Variants in ARID2 observed in about 807,000 individuals in gnomAD.
The protein encoded by ARID2 is AT-rich interaction domain 2.
ARID2 carries 32 observed loss-of-function variants against 184.6 expected under a neutral mutation model. The ratio of observed to expected loss-of-function variants is 0.17; its 90% CI spans 0.13 to 0.23. ARID2 has a LOEUF of 0.23. Among genes scored for constraint, ARID2 ranks in the 10% least tolerant of loss-of-function variants. ARID2 has a pLI of 1.00. For synonymous variants in ARID2, 836 were observed against 772.6 expected, an observed-to-expected ratio of 1.08 and a Z score of -1.36; for missense variants, 1,696 against 2,197.6, an observed-to-expected ratio of 0.77 and a Z score of 4.56.
At chr12:45,820,999 C>A (rs557991530) in intron 5 of ARID2, among the ~76,000 whole-genome samples, 1 of 152,180 alleles carries the variant, frequency 6.6e-6, no homozygotes, top group Admixed American at 6.5e-5. Flanking sequence ...GTGCCTTGCT[C>A]TCTATGTTTT....
At chr12:45,901,266 G>A (rs553752243) in intron 20 of ARID2, among the ~76,000 whole-genome samples, 3 of 137,506 alleles carry the variant, frequency 2.2e-5, no homozygotes, top group South Asian at 4.7e-4. Flanking sequence ...CACCTCCCAG[G>A]TTCACGCCAT....
intron 3 of ARID2, among the ~76,000 whole-genome samples, chr12:45,738,974 T>C (rs1322700870): frequency 6.6e-6 from 1 of 150,592 alleles, no homozygotes; most frequent in Non-Finnish European, 1.5e-5. Flanking sequence ...AGTGTTGTCT[T>C]TTTTTTTCTT....
At chr12:45,772,194 A>G (rs1241736350) in intron 3 of ARID2, among the ~76,000 whole-genome samples, 1 of 152,236 alleles carries the variant, frequency 6.6e-6, no homozygotes, top group Non-Finnish European at 1.5e-5. Context: ...AGGAATGGAG[A>G]AACAAAAACA....
At chr12:45,900,632 A>T (rs1592149452) in intron 20 of ARID2, among the ~76,000 whole-genome samples, 1 of 152,142 alleles carries the variant, frequency 6.6e-6, no homozygotes, top group East Asian at 1.9e-4. Context: ...CTCCATGTTG[A>T]ATCCCTTTTC....
At chr12:45,778,314 C>T (rs538161910) in intron 3 of ARID2, among the ~76,000 whole-genome samples, 1 of 152,256 alleles carries the variant, frequency 6.6e-6, no homozygotes, top group African/African-American at 2.4e-5. Context: ...GAGGTAACCT[C>T]TTATGGTGTT....
chr12:45,886,275 A>G (rs1232824196), intron 16 of ARID2, among the ~76,000 whole-genome samples: 1 of 152,152 alleles, frequency 6.6e-6, no homozygotes, highest in African/African-American at 2.4e-5. Context: ...TTCCAAAATG[A>G]TCTCCTTTGA....
At chr12:45,897,738 T>C (rs1437842488) in intron 20 of ARID2, among the ~76,000 whole-genome samples, 1 of 152,150 alleles carries the variant, frequency 6.6e-6, no homozygotes, top group African/African-American at 2.4e-5. Context: ...ATAGACAAAA[T>C]GTGGCATGTA....
chr12:45,813,429 G>T (rs961541607), intron 4 of ARID2, among the ~76,000 whole-genome samples: 3 of 145,998 alleles, frequency 2.1e-5, no homozygotes, highest in African/African-American at 7.7e-5. Context: ...AATAGAATAA[G>T]CTCCGTGTGT....
At chr12:45,782,556 C>T (rs546655981) in intron 3 of ARID2, among the ~76,000 whole-genome samples, 2 of 152,184 alleles carry the variant, frequency 1.3e-5, no homozygotes, top group South Asian at 2.1e-4. Flanking sequence ...CACTTGAACC[C>T]GGGAGGTGGA....
At chr12:45,831,912 TTTC>T (rs1413595246) in intron 6 of ARID2, among the ~76,000 whole-genome samples, 5 of 152,230 alleles carry the variant, frequency 3.3e-5, no homozygotes, top group African/African-American at 9.6e-5. Context: ...TAGCTACAGC[TTTC>T]TTATTATGTT....
At chr12:45,889,797 G>C (rs552871062) in intron 16 of ARID2, among the ~76,000 whole-genome samples, 45 of 152,302 alleles carry the variant, frequency 3.0e-4, no homozygotes, top group Non-Finnish European at 4.9e-4. Flanking sequence ...AATTAGCTGG[G>C]CGTGGTGGCA....
intron 5 of ARID2, among the ~76,000 whole-genome samples, chr12:45,820,607 C>T (rs1942879719): frequency 6.6e-6 from 1 of 151,990 alleles, no homozygotes; most frequent in Non-Finnish European, 1.5e-5. Flanking sequence ...ACTTTCATTA[C>T]GGAGCTAATG....
At chr12:45,739,292 A>G (rs1941199240) in intron 3 of ARID2, among the ~76,000 whole-genome samples, 1 of 151,952 alleles carries the variant, frequency 6.6e-6, no homozygotes, top group Non-Finnish European at 1.5e-5. Flanking sequence ...GCATTGTCTT[A>G]ATTGTCTTAT....
intron 3 of ARID2, among the ~76,000 whole-genome samples, chr12:45,748,881 A>C (rs1301118950): frequency 6.6e-6 from 1 of 152,128 alleles, no homozygotes; most frequent in African/African-American, 2.4e-5. Context: ...TCACATCTTC[A>C]GGCTCCACTT....
rs548981982 is a variant in ARID2, at chr12:45,907,942, T to C, written c.*2864T>C. 4.3e-6 allele frequency: 1 copy of C among 231,646 alleles called. No individual in the cohort carries two copies. Among genetic ancestry groups the C allele is most frequent in the South Asian group, 1.8e-4 (1 of 5,510 alleles). 14.3% of individuals were successfully genotyped at this position (231,646 alleles called of 1,614,324 possible). A position where few individuals can be genotyped will look rare whatever the true frequency, so the allele number is the denominator to read the frequency against. On this transcript the variant is annotated 3_prime_UTR_variant, in exon 21 of 21. Coordinates refer to ENST00000334344, the MANE Select transcript of ARID2 (RefSeq NM_152641.4). The stretch of plus-strand genomic sequence containing the variant: ...ACTATATATTAATGAGACTCAGTAA[T>C]CCAACCCACACCTGAGAACTCGTCT...
chr12:45,819,500 C>T (rs1204305801), intron 5 of ARID2, among the ~76,000 whole-genome samples: 1 of 151,970 alleles, frequency 6.6e-6, no homozygotes, highest in East Asian at 1.9e-4. Context: ...AGGTTGTAGA[C>T]ATATTTTATT....
At position 45,889,323 on chromosome 12, in the gene ARID2, T is replaced by C. The variant is rs1043365338; in HGVS notation, c.4923-2457T>C. Among the ~76,000 whole-genome samples the C allele has an allele frequency of 2.3e-4, 35 of 152,302 alleles. 1 individual carries two copies. Among genetic ancestry groups the C allele is most frequent in the Admixed American group, 2.2e-3 (33 of 15,294 alleles). On this transcript the variant is annotated intron_variant, in intron 16 of 20. Coordinates refer to ENST00000334344, the MANE Select transcript of ARID2 (RefSeq NM_152641.4). ...GGCTTAAAGAAAGTATACTAAAATG[T>C]TAGCATTTTAGTATACTTGGCTATA...
Position 45,811,440 on chromosome 12 carries a change from G to T in ARID2, c.307G>T (p.Val103Phe). The T allele has an allele frequency of 6.2e-7, 1 of 1,612,548 alleles. No individual in the cohort carries two copies. ...YLRYLEKYEK[V>F]HHFGEDDDEV... ...CAGTTACCTAGAAAAGTACGAGAAAGTTCATCATTTTGGGGAGGATGATGA... is the reference window on the plus strand; with the variant it reads ...CAGTTACCTAGAAAAGTACGAGAAATTTCATCATTTTGGGGAGGATGATGA... Residue 103 changes from valine (V) to phenylalanine (F), a missense_variant, in exon 4 of 21, where the codon GTT becomes TTT. Physicochemically the swap from Val to Phe is conservative, Grantham distance 50 (BLOSUM62 -1). Around this residue, in one of 11 missense-constraint regions of ARID2, gnomAD observed 148 missense variants for 285.4 expected, o/e 0.52. Coordinates refer to ENST00000334344, the MANE Select transcript of ARID2 (RefSeq NM_152641.4).
Position 45,851,629 on chromosome 12 carries a change from G to T in ARID2, c.3506G>T (p.Gly1169Val), listed in dbSNP as rs770836944. 1 of 1,614,152 alleles carries T rather than the reference G, an allele frequency of 6.2e-7. No homozygotes were observed. Among genetic ancestry groups the T allele is most frequent in the African/African-American group, 1.3e-5 (1 of 75,044 alleles). ...GCAACCATTTTCCAAGGGACTTCTG[G>T]CAACCAGGTAACCATAACAGTTGTG... Reference protein sequence around the residue: ...SPATIFQGTSGNQVTITVVPN... With the variant: ...SPATIFQGTSVNQVTITVVPN... The change falls in exon 15 of 21, where the codon GGC becomes GTC. Residue 1169 changes from glycine to valine, a missense_variant. By Grantham distance (109) the Gly-to-Val change is moderately radical (BLOSUM62 -3). This residue lies in a region of ARID2 where 12 missense variants were observed against 28.6 expected (regional missense o/e 0.42). Transcript: ENST00000334344.
Sources: allele counts gnomAD v4.1 joint callset (sites outside exome capture counted in the v4.1 genomes callset), GRCh38; gene constraint gnomAD v4.1.1; regional missense constraint gnomAD v4.1.1; transcripts MANE v1.5; gene names NCBI Gene and HGNC (gene_info 2026-07-23, HGNC 2026-07-21).